Variants in DTNBP1 observed in about 807,000 individuals in gnomAD.
DTNBP1 encodes dystrobrevin binding protein 1.
DTNBP1 carries 35 observed loss-of-function variants against 42.8 expected under a neutral mutation model. The observed-to-expected ratio is 0.82, with a 90% CI of 0.63 to 1.09. The LOEUF (loss-of-function observed/expected upper bound fraction) is 1.09, where lower values mean the gene tolerates loss of function less well. Among genes scored for constraint, DTNBP1 ranks in the 50% least tolerant of loss-of-function variants. The pLI is 0.00. For synonymous variants in DTNBP1, 171 were observed against 162.2 expected (o/e 1.05, Z -0.41); for missense variants, 457 against 424.2 (o/e 1.08, Z -0.68).
intron 5 of DTNBP1, among the ~76,000 whole-genome samples, chr6:15,624,073 A>C (rs1759201270): frequency 6.6e-6 from 1 of 152,180 alleles, no homozygotes; most frequent in Non-Finnish European, 1.5e-5. Flanking sequence ...GTGTGTCCAG[A>C]GTCTGTACGC....
chr6:15,561,611 C>T lies in DTNBP1; in HGVS notation c.512-28216G>A, dbSNP rs185371237. The stretch of plus-strand genomic sequence containing the variant: ...AGATGGATCTTCCTCCCTCTACAAC[C>T]CTTAGAATTAAAATTTCCTTGTAAA... On this transcript the variant is annotated intron_variant, in intron 7 of 9. Transcript: ENST00000344537. Among the ~76,000 whole-genome samples, 98 of 152,276 alleles carry T rather than the reference C, an allele frequency of 6.4e-4. 1 individual carries two copies. Among genetic ancestry groups the T allele is most frequent in the African/African-American group, 2.3e-3 (95 of 41,548 alleles).
chr6:15,644,356 A>G (rs1401371291), intron 3 of DTNBP1, among the ~76,000 whole-genome samples: 1 of 152,214 alleles, frequency 6.6e-6, no homozygotes, highest in African/African-American at 2.4e-5. Context: ...TCAACACCCC[A>G]CCAGCAGCAC....
At chr6:15,552,726 A>AT (rs1774282342) in intron 7 of DTNBP1, among the ~76,000 whole-genome samples, 1 of 152,248 alleles carries the variant, frequency 6.6e-6, no homozygotes, top group Non-Finnish European at 1.5e-5. Flanking sequence ...AATAAGACCC[A>AT]TATGGTTTTG....
chr6:15,613,654 C>T (rs1213162409), intron 6 of DTNBP1, among the ~76,000 whole-genome samples: 3 of 152,092 alleles, frequency 2.0e-5, no homozygotes, highest in African/African-American at 7.2e-5. Context: ...GCGTGAGCCA[C>T]TGCACCTGGC....
At chr6:15,557,128 A>G (rs1256745757) in intron 7 of DTNBP1, among the ~76,000 whole-genome samples, 1 of 152,194 alleles carries the variant, frequency 6.6e-6, no homozygotes, top group Non-Finnish European at 1.5e-5. Flanking sequence ...AAAGTTGCTA[A>G]GAGTTAATAC....
intron 5 of DTNBP1, among the ~76,000 whole-genome samples, chr6:15,616,648 T>C (rs946650420): frequency 6.6e-6 from 1 of 152,224 alleles, no homozygotes; most frequent in African/African-American, 2.4e-5. Context: ...CGTACTAGCT[T>C]TTTACATGAC....
chr6:15,526,742 G>A (rs550951632), intron 8 of DTNBP1, among the ~76,000 whole-genome samples: 9 of 152,268 alleles, frequency 5.9e-5, no homozygotes, highest in South Asian at 4.1e-4. Flanking sequence ...GAAGCCTTTC[G>A]CCAAGGCCTG....
At chr6:15,615,045 A>C (rs1315264248) in intron 6 of DTNBP1, 1 of 692,856 alleles carries the variant, frequency 1.4e-6, no homozygotes, top group African/African-American at 1.8e-5. Flanking sequence ...TCATCTTTAT[A>C]TTTGGGATTC....
intron 8 of DTNBP1, among the ~76,000 whole-genome samples, chr6:15,532,738 C>A (rs1772943562): frequency 7.3e-6 from 1 of 137,304 alleles, no homozygotes; most frequent in Non-Finnish European, 1.5e-5. Context: ...CTCACTCTGC[C>A]ACCTAGGCCG....
intron 6 of DTNBP1, among the ~76,000 whole-genome samples, chr6:15,593,945 C>T (rs997364853): frequency 7.9e-5 from 12 of 152,176 alleles, no homozygotes; most frequent in East Asian, 1.9e-4. Flanking sequence ...AATTACAATA[C>T]CCCTCATGTT....
At chr6:15,601,481 T>C (rs1228966003) in intron 6 of DTNBP1, among the ~76,000 whole-genome samples, 1 of 152,236 alleles carries the variant, frequency 6.6e-6, no homozygotes, top group Non-Finnish European at 1.5e-5. Flanking sequence ...TAATAAATTC[T>C]CAAATCTACC....
chr6:15,573,042 T>G (rs1337068792), intron 7 of DTNBP1, among the ~76,000 whole-genome samples: 1 of 152,228 alleles, frequency 6.6e-6, no homozygotes, highest in Non-Finnish European at 1.5e-5. Context: ...TTCCATGTTC[T>G]TAATCATCTG....
At chr6:15,630,185 A>G (rs1759607124) in intron 4 of DTNBP1, among the ~76,000 whole-genome samples, 1 of 152,258 alleles carries the variant, frequency 6.6e-6, no homozygotes, top group Non-Finnish European at 1.5e-5. Context: ...GGATCTTAGT[A>G]TAAAACTCAG....
At chr6:15,566,739 C>T (rs954075827) in intron 7 of DTNBP1, among the ~76,000 whole-genome samples, 73 of 136,662 alleles carry the variant, frequency 5.3e-4, no homozygotes, top group African/African-American at 1.7e-3. Flanking sequence ...CTCTCTCTAT[C>T]GTTCAGGATT....
At chr6:15,543,955 T>C (rs2113369174) in intron 7 of DTNBP1, among the ~76,000 whole-genome samples, 1 of 152,324 alleles carries the variant, frequency 6.6e-6, no homozygotes, top group South Asian at 2.1e-4. Context: ...CCTTGTCTGG[T>C]GTGCTCTCGC....
chr6:15,655,446 A>G (rs1016512070), intron 1 of DTNBP1, among the ~76,000 whole-genome samples: 1 of 152,212 alleles, frequency 6.6e-6, no homozygotes, highest in Non-Finnish European at 1.5e-5. Context: ...TTAATAACAA[A>G]AACAATCTTT....
chr6:15,656,401 T>G (rs1240883814), intron 1 of DTNBP1, among the ~76,000 whole-genome samples: 2 of 152,232 alleles, frequency 1.3e-5, no homozygotes, highest in African/African-American at 2.4e-5. Flanking sequence ...AATAATTTTA[T>G]TTTTAGATAG....
intron 7 of DTNBP1, among the ~76,000 whole-genome samples, chr6:15,537,191 C>T (rs1232960527): frequency 2.0e-5 from 3 of 152,096 alleles, no homozygotes; most frequent in East Asian, 1.9e-4. Flanking sequence ...GAGACCAAGG[C>T]GGACAGATCA....
intron 3 of DTNBP1, among the ~76,000 whole-genome samples, chr6:15,642,927 A>G (rs1251540190): frequency 1.3e-5 from 2 of 152,260 alleles, no homozygotes; most frequent in Non-Finnish European, 2.9e-5. Context: ...TGGCATCTCA[A>G]AGGATCACAT....
Sources: allele counts gnomAD v4.1 joint callset (sites outside exome capture counted in the v4.1 genomes callset), GRCh38; gene constraint gnomAD v4.1.1; transcripts MANE v1.5; gene names NCBI Gene and HGNC (gene_info 2026-07-23, HGNC 2026-07-21).